The following GRB10 variants were observed in gnomAD, a reference collection of about 807,000 sequenced individuals.
GRB10 encodes growth factor receptor bound protein 10, also known as growth factor receptor-bound protein 10.
Under a neutral mutation model 80.9 loss-of-function variants are expected in GRB10, and 20 were observed. The ratio of observed to expected loss-of-function variants is 0.25; its 90% CI spans 0.17 to 0.36. The LOEUF (loss-of-function observed/expected upper bound fraction) is 0.36. Ranked by LOEUF, GRB10 falls within the 10% of genes least tolerant of loss-of-function variation. The pLI is 1.00. For synonymous variants in GRB10, 291 were observed against 291.5 expected, an observed-to-expected ratio of 1.00 and a Z score of 0.02; for missense variants, 548 against 747.7, an observed-to-expected ratio of 0.73 and a Z score of 3.12.
intron 3 of GRB10, among the ~76,000 whole-genome samples, chr7:50,733,677 C>T (rs1308839167): frequency 4.6e-5 from 7 of 152,230 alleles, no homozygotes. Flanking sequence ...CTGCCATGAT[C>T]AGCAGCCCCA....
rs570330376 is a variant in GRB10, at chr7:50,746,182, G to A, written c.-47+9705C>T. ...TTTTTCATCTTTATGATGAGTTGAT[G>A]AGGATGTAAACCCATTTTTAGTTAA... On this transcript the variant is annotated intron_variant, in intron 3 of 18. Coordinates refer to ENST00000401949, the MANE Select transcript of GRB10 (RefSeq NM_001350814.2). Among the ~76,000 whole-genome samples, 5 of 152,350 alleles carry A rather than the reference G, an allele frequency of 3.3e-5. No individual in the cohort carries two copies. The East Asian group carries it at 9.6e-4, about 29-fold the overall frequency.
chr7:50,721,542 G>A (rs1004916708), intron 4 of GRB10, among the ~76,000 whole-genome samples: 1 of 152,242 alleles, frequency 6.6e-6, no homozygotes, highest in African/African-American at 2.4e-5. Context: ...GACAAAGTGA[G>A]CCCACCCCAC....
At chr7:50,633,477 A>T (rs1324206012) in intron 7 of GRB10, among the ~76,000 whole-genome samples, 1 of 152,224 alleles carries the variant, frequency 6.6e-6, no homozygotes, top group Non-Finnish European at 1.5e-5. Context: ...GATGAGAAGA[A>T]ACCAACACAA....
intron 3 of GRB10, among the ~76,000 whole-genome samples, chr7:50,736,777 T>C (rs187707584): frequency 4.2e-4 from 64 of 152,264 alleles, no homozygotes; most frequent in African/African-American, 1.5e-3. Context: ...GTGAGACTGT[T>C]TCAAAAAAAT....
chr7:50,734,267 T>C (rs1423232773), intron 3 of GRB10, among the ~76,000 whole-genome samples: 1 of 152,082 alleles, frequency 6.6e-6, no homozygotes, highest in Admixed American at 6.6e-5. Context: ...CTCCTCACTC[T>C]CTACCTCACC....
chr7:50,674,848 C>T (rs2214964), intron 5 of GRB10, among the ~76,000 whole-genome samples, 190 bp from the exon 6 acceptor site: 85,563 of 152,080 alleles, frequency 0.56, 24,583 homozygotes, highest in African/African-American at 0.66. Flanking sequence ...TTCATCATGA[C>T]TGACATTCCA....
chr7:50,757,289 C>G (rs188332995), intron 2 of GRB10, among the ~76,000 whole-genome samples: 4 of 152,362 alleles, frequency 2.6e-5, no homozygotes, highest in East Asian at 1.9e-4. Context: ...TCTCACGGAG[C>G]TTTTATTAGG....
At chr7:50,714,881 A>T (rs931712726) in intron 4 of GRB10, among the ~76,000 whole-genome samples, 1 of 152,096 alleles carries the variant, frequency 6.6e-6, no homozygotes, top group Non-Finnish European at 1.5e-5. Flanking sequence ...TTGCCCTCCT[A>T]GCAGATCAGG....
chr7:50,742,885 T>C (rs1019002), intron 3 of GRB10, among the ~76,000 whole-genome samples: 136,143 of 152,094 alleles, frequency 0.9, 61,009 homozygotes, highest in East Asian at 0.96. Flanking sequence ...GAATCATATC[T>C]CACTTCCTGG....
At position 50,605,394 on chromosome 7, in the gene GRB10, C is replaced by T. The variant is rs1427754161; in HGVS notation, c.1285G>A (p.Glu429Lys). The T allele has an allele frequency of 2.5e-6, 4 of 1,613,832 alleles. No homozygotes were observed. The highest frequency in any genetic ancestry group is 1.1e-5 in the South Asian group (1 of 91,078). ...AAATCCATTGCCACGAGGGAGTTCTCGGAGACACTGCGCTGAAAAGGAAAG... is the reference window on the plus strand; with the variant it reads ...AAATCCATTGCCACGAGGGAGTTCTTGGAGACACTGCGCTGAAAAGGAAAG... ...PFSTPVRSVSENSLVAMDFSG... is the reference protein window; with the variant it reads ...PFSTPVRSVSKNSLVAMDFSG... Residue 429 changes from glutamate (E) to lysine (K), a missense_variant, in exon 15 of 19, where the codon GAG becomes AAG. Coordinates refer to ENST00000401949, the MANE Select transcript of GRB10 (RefSeq NM_001350814.2).
intron 5 of GRB10, 139 bp downstream of exon 5, chr7:50,703,682 A>G: frequency 1.5e-6 from 1 of 666,708 alleles, no homozygotes. Context: ...TTGGGAATTC[A>G]CTGTCCTTAA....
At chr7:50,746,593 C>CA (rs1311871081) in intron 3 of GRB10, among the ~76,000 whole-genome samples, 3 of 152,254 alleles carry the variant, frequency 2.0e-5, no homozygotes, top group African/African-American at 7.2e-5. Context: ...TGGCAATCAC[C>CA]AAAAACTACC....
At position 50,590,895 on chromosome 7, in the gene GRB10, T is replaced by A. The variant is rs1243092741; in HGVS notation, c.*2057A>T. 6.6e-6 allele frequency: 1 copy of A among 152,210 alleles called. No homozygotes were observed. Among genetic ancestry groups the A allele is most frequent in the African/African-American group, 2.4e-5 (1 of 41,450 alleles). 9.4% of individuals were successfully genotyped at this position (152,210 alleles called of 1,614,324 possible). A position where few individuals can be genotyped will look rare whatever the true frequency, so the allele number is the denominator to read the frequency against. On this transcript the variant is annotated 3_prime_UTR_variant, in exon 19 of 19. Transcript: ENST00000401949. ...CTCCTTTTAAATAAACGCATATTTA[T>A]AAATATGAAATACTGCAAATACAAG...
chr7:50,701,559 G>C (rs1006888500), intron 5 of GRB10, among the ~76,000 whole-genome samples: 3 of 152,178 alleles, frequency 2.0e-5, no homozygotes, highest in Non-Finnish European at 4.4e-5. Context: ...TCTCCGGCCT[G>C]GGTGAGAGAG....
At chr7:50,616,131 A>G in intron 11 of GRB10, 79 bp downstream of exon 11, 1 of 1,520,552 alleles carries the variant, frequency 6.6e-7, no homozygotes, top group Admixed American at 1.7e-5. Context: ...TTAAAAATGA[A>G]GCCCAGGTTC....
At chr7:50,762,281 A>C (rs1328324844) in intron 2 of GRB10, among the ~76,000 whole-genome samples, 4 of 151,130 alleles carry the variant, frequency 2.6e-5, no homozygotes, top group Non-Finnish European at 2.9e-5. Flanking sequence ...TAATTAGCAG[A>C]AGCAACCAAA....
At chr7:50,734,254 C>T (rs1264755857) in intron 3 of GRB10, among the ~76,000 whole-genome samples, 4 of 151,986 alleles carry the variant, frequency 2.6e-5, no homozygotes, top group African/African-American at 7.3e-5. Context: ...CACTCTTGTG[C>T]GACTCCTCAC....
intron 2 of GRB10, among the ~76,000 whole-genome samples, chr7:50,775,161 C>CAAATAAAAAAAAA (rs2077461477): frequency 3.2e-5 from 1 of 31,026 alleles, no homozygotes; most frequent in Non-Finnish European, 6.5e-5. Context: ...ATCCTGTCTC[C>CAAATAAAAAAAAA]AAAAAAAAAA....
At chr7:50,652,373 T>C (rs2058094327) in intron 7 of GRB10, among the ~76,000 whole-genome samples, 1 of 152,190 alleles carries the variant, frequency 6.6e-6, no homozygotes, top group Non-Finnish European at 1.5e-5. Flanking sequence ...CTCTATGGCA[T>C]AAAAGTTGTT....
Sources: gnomAD v4.1 joint callset for allele counts (sites outside exome capture counted in the v4.1 genomes callset) on GRCh38, gnomAD v4.1.1 for gene constraint, MANE v1.5 for transcripts, NCBI Gene and HGNC (gene_info 2026-07-23, HGNC 2026-07-21) for gene names.